Variants in ANKMY2 observed in about 807,000 individuals in gnomAD.
ANKMY2 encodes ankyrin repeat and MYND domain-containing protein 2.
In ANKMY2, 36 loss-of-function variants were observed where a neutral mutation model predicts 50.4. The observed-to-expected ratio is 0.71, with a 90% CI of 0.55 to 0.94. The LOEUF (loss-of-function observed/expected upper bound fraction) is 0.94. Among genes scored for constraint, ANKMY2 ranks in the 40% least tolerant of loss-of-function variants. ANKMY2 has a pLI of 0.00. For synonymous variants in ANKMY2, 187 were observed against 178.8 expected, an observed-to-expected ratio of 1.05 and a Z score of -0.36; for missense variants, 565 against 524.0, an observed-to-expected ratio of 1.08 and a Z score of -0.76.
chr7:16,615,741 T>C lies in ANKMY2; in HGVS notation c.531+3A>G, dbSNP rs765641968. ...AAAGCAAATACGGTAGACACCACAC[T>C]ACCTTGACAGGATGAAGATTCGTTG... On this transcript the variant is annotated splice_donor_region_variant and intron_variant, in intron 5 of 9. Coordinates refer to ENST00000306999, the MANE Select transcript of ANKMY2 (RefSeq NM_020319.3). 3.1e-6 allele frequency: 5 copies of C among 1,614,116 alleles called. No individual in the cohort carries two copies. Among genetic ancestry groups the C allele is most frequent in the Non-Finnish European group, 4.2e-6 (5 of 1,180,016 alleles).
chr7:16,643,973 T>G (rs1489416834), intron 1 of ANKMY2, among the ~76,000 whole-genome samples: 2 of 151,518 alleles, frequency 1.3e-5, no homozygotes, highest in East Asian at 1.9e-4. Flanking sequence ...CCAGCCTGGG[T>G]GAAGAGTGAG....
intron 2 of ANKMY2, among the ~76,000 whole-genome samples, chr7:16,628,269 G>A (rs958363881): frequency 3.9e-5 from 6 of 152,114 alleles, no homozygotes; most frequent in African/African-American, 1.4e-4. Context: ...AATTATTCTT[G>A]ATGCTTCCAG....
At chr7:16,643,924 C>T (rs1781779098) in intron 1 of ANKMY2, among the ~76,000 whole-genome samples, 3 of 149,314 alleles carry the variant, frequency 2.0e-5, no homozygotes, top group South Asian at 4.1e-4. Context: ...CCTGTAGTCC[C>T]AGCCACTAGG....
In ANKMY2 at chr7:16,610,587, T is replaced by A. The variant is rs371927771; in HGVS notation, c.708A>T (p.Leu236Phe). ...SCIFQKCINF[L>F]KDGENKLDTL... Reference sequence around the variant, plus strand: ...TGTCCAGTTTATTCTCTCCATCTTTTAAGAAGTTAATGCATTTCTGAAAGA... The same window carrying A: ...TGTCCAGTTTATTCTCTCCATCTTTAAAGAAGTTAATGCATTTCTGAAAGA... Residue 236 changes from leucine (L) to phenylalanine (F), a missense_variant, in exon 6 of 10, where the codon TTA becomes TTT. Leu to Phe is a conservative substitution (Grantham distance 22, BLOSUM62 0). Transcript: ENST00000306999. The A allele has an allele frequency of 2.0e-5, 33 of 1,613,780 alleles. No homozygotes were observed. In the African/African-American group the frequency reaches 3.5e-4, roughly 17 times the overall value.
intron 1 of ANKMY2, among the ~76,000 whole-genome samples, chr7:16,641,518 A>G (rs1019281526): frequency 3.1e-4 from 47 of 152,044 alleles, no homozygotes; most frequent in African/African-American, 1.1e-3. Flanking sequence ...TTTTCTTTGA[A>G]CTCTGTACTA....
chr7:16,619,168 T>G (rs1331640815), intron 4 of ANKMY2, among the ~76,000 whole-genome samples: 1 of 152,108 alleles, frequency 6.6e-6, no homozygotes, highest in East Asian at 1.9e-4. Context: ...TTTTTTTTTT[T>G]TTGAGATGGA....
In ANKMY2 at chr7:16,615,751, G is replaced by A; in HGVS notation, c.524C>T (p.Pro175Leu). 6.2e-7 allele frequency: 1 copy of A among 1,614,200 alleles called. No homozygotes were observed. Among genetic ancestry groups the A allele is most frequent in the Non-Finnish European group, 8.5e-7 (1 of 1,180,036 alleles). The change falls in exon 5 of 10, where the codon CCT becomes CTT. Residue 175 changes from proline (P) to leucine (L), a missense_variant. By Grantham distance (98) the Pro-to-Leu change is moderately conservative. Transcript: ENST00000306999. ...CGGTAGACACCACACTACCTTGACA[G>A]GATGAAGATTCGTTGTGGTGATAAT... is the stretch of plus-strand genomic sequence containing the variant. ...HKIITTTNLH[P>L]VKIVMLVNEN... is the part of the protein sequence containing the mutation.
intron 1 of ANKMY2, among the ~76,000 whole-genome samples, chr7:16,639,514 A>C (rs188161339): frequency 2.1e-3 from 322 of 152,344 alleles, no homozygotes; most frequent in Non-Finnish European, 4.0e-3. Context: ...ATTAGGGTGG[A>C]ATTGATCACT....
chr7:16,644,914 G>C (rs1781807763), intron 1 of ANKMY2: 1 of 348,700 alleles, frequency 2.9e-6, no homozygotes, highest in Admixed American at 4.0e-5. Context: ...CAATTTCCTT[G>C]TCTCTCTAGG....
rs773622347 is a variant in ANKMY2 at position 16,604,727 on chromosome 7, G to A, written c.1005C>T (p.Cys335=). The part of the protein sequence containing the change: ...EKGASKRCSV[C]KMVIYCDQTC... ...AAAAGAACTCCATTCTTACCATTTTGCAAACTGAACATCTTTTACTTGCTC... is the reference window on the plus strand; with the variant it reads ...AAAAGAACTCCATTCTTACCATTTTACAAACTGAACATCTTTTACTTGCTC... Residue 335 remains cysteine, a synonymous_variant, in exon 8 of 10, where the codon TGC becomes TGT. Transcript: ENST00000306999. 6 of 1,613,564 alleles carry A rather than the reference G, an allele frequency of 3.7e-6. No individual in the cohort carries two copies. The highest frequency in any genetic ancestry group is 8.5e-7 in the Non-Finnish European group (1 of 1,179,720).
intron 2 of ANKMY2, among the ~76,000 whole-genome samples, chr7:16,627,582 T>C (rs1234909878): frequency 6.6e-6 from 1 of 152,228 alleles, no homozygotes; most frequent in Non-Finnish European, 1.5e-5. Context: ...TAAAGTATGG[T>C]ATATGCATAA....
At position 16,645,747 on chromosome 7, in the gene ANKMY2, G is replaced by C; in HGVS notation, c.-174C>G. 1.6e-6 allele frequency: 1 copy of C among 630,804 alleles called. No homozygotes were observed. Among genetic ancestry groups the C allele is most frequent in the East Asian group, 3.6e-5 (1 of 27,434 alleles). The allele number at this position is 630,804 out of a possible 1,614,324, so 39.1% of individuals were successfully genotyped here. On this transcript the variant is annotated 5_prime_UTR_variant, in exon 1 of 10. Transcript: ENST00000306999. Reference sequence around the variant, plus strand: ...CCTCCCGCGGGCTGGCGGACAGCGGGCGAGCTCGGGCGAGCCAGGCGGACG... The same window carrying C: ...CCTCCCGCGGGCTGGCGGACAGCGGCCGAGCTCGGGCGAGCCAGGCGGACG...
chr7:16,616,096 G>C (rs1781343186), intron 4 of ANKMY2, among the ~76,000 whole-genome samples, 192 bp from the exon 5 acceptor site: 1 of 152,128 alleles, frequency 6.6e-6, no homozygotes, highest in African/African-American at 2.4e-5. Flanking sequence ...TCCTTGTAAA[G>C]TTGATAAACA....
intron 2 of ANKMY2, among the ~76,000 whole-genome samples, chr7:16,635,785 CAGA>C (rs904802567): frequency 9.2e-5 from 14 of 152,138 alleles, no homozygotes; most frequent in African/African-American, 3.4e-4. Flanking sequence ...AAATTTTCTA[CAGA>C]ATAGTACATC....
At chr7:16,634,808 TAACA>T (rs747032310) in intron 2 of ANKMY2, among the ~76,000 whole-genome samples, 4 of 152,118 alleles carry the variant, frequency 2.6e-5, no homozygotes, top group Non-Finnish European at 5.9e-5. Context: ...TAGTTCCACC[TAACA>T]AACATTAAAA....
chr7:16,605,910 C>T (rs992694317), intron 7 of ANKMY2, among the ~76,000 whole-genome samples: 6 of 151,900 alleles, frequency 3.9e-5, no homozygotes, highest in Admixed American at 2.0e-4. Flanking sequence ...GTCTTGATCT[C>T]CTGACCTTGT....
intron 4 of ANKMY2, among the ~76,000 whole-genome samples, chr7:16,619,460 T>C (rs1781403501): frequency 1.3e-5 from 2 of 152,302 alleles, no homozygotes; most frequent in African/African-American, 2.4e-5. Context: ...GGCCTAATTA[T>C]ACCTTTTTAA....
chr7:16,629,852 G>A (rs933950789), intron 2 of ANKMY2, among the ~76,000 whole-genome samples: 6 of 152,172 alleles, frequency 3.9e-5, no homozygotes, highest in African/African-American at 1.4e-4. Context: ...CTAGTACCAT[G>A]TGATTTATAA....
At chr7:16,642,755 T>C (rs1338486719) in intron 1 of ANKMY2, among the ~76,000 whole-genome samples, 2 of 152,184 alleles carry the variant, frequency 1.3e-5, no homozygotes, top group Non-Finnish European at 2.9e-5. Flanking sequence ...AATAAAAATT[T>C]ACTTTAAATT....
Sources: allele counts gnomAD v4.1 joint callset (sites outside exome capture counted in the v4.1 genomes callset), GRCh38; gene constraint gnomAD v4.1.1; transcripts MANE v1.5; gene names NCBI Gene and HGNC (gene_info 2026-07-23, HGNC 2026-07-21).